The following SEMA6D variants were observed in gnomAD, a reference collection of about 807,000 sequenced individuals.
SEMA6D encodes semaphorin 6D.
Under a neutral mutation model 106.6 loss-of-function variants are expected in SEMA6D, and 35 were observed. The observed-to-expected ratio is 0.33, with a 90% CI of 0.25 to 0.44. The LOEUF (loss-of-function observed/expected upper bound fraction) is 0.44, where lower values mean the gene tolerates loss of function less well. Ranked by LOEUF, SEMA6D falls within the 20% of genes least tolerant of loss-of-function variation. The pLI, the probability that SEMA6D is intolerant of heterozygous loss-of-function variation, is 1.00. For missense variants in SEMA6D, 1,185 were observed against 1,345.9 expected (o/e 0.88, Z 1.87); for synonymous variants, 499 against 487.7 (o/e 1.02, Z -0.31).
At chr15:47,611,148 T>TACACACACACAC (rs71432248) in intron 4 of SEMA6D, among the ~76,000 whole-genome samples, 80 of 141,670 alleles carry the variant, frequency 5.6e-4, no homozygotes, top group African/African-American at 1.8e-3. Flanking sequence ...CCGTCCTACA[T>TACACACACACAC]ACACACACAC....
intron 1 of SEMA6D, among the ~76,000 whole-genome samples, chr15:47,720,782 G>C (rs2079378748): frequency 1.3e-5 from 2 of 152,194 alleles, no homozygotes; most frequent in African/African-American, 4.8e-5. Flanking sequence ...CTTAGTCATT[G>C]TTCTTGCATG....
chr15:47,191,745 G>T (rs1052641166), intron 1 of SEMA6D, among the ~76,000 whole-genome samples: 5 of 152,170 alleles, frequency 3.3e-5, no homozygotes, highest in Non-Finnish European at 7.3e-5. Flanking sequence ...ATAATGAAGG[G>T]TGTATGTCTC....
intron 1 of SEMA6D, among the ~76,000 whole-genome samples, chr15:47,378,272 G>A (rs1202789838): frequency 2.6e-5 from 4 of 152,154 alleles, no homozygotes; most frequent in African/African-American, 4.8e-5. Context: ...TGAGGCGGGC[G>A]ATCACCTGAG....
intron 2 of SEMA6D, among the ~76,000 whole-genome samples, chr15:47,456,885 CAG>C (rs1388681555): frequency 6.6e-6 from 1 of 151,932 alleles, no homozygotes; most frequent in African/African-American, 2.4e-5. Context: ...AAGAGCTGCA[CAG>C]AGAGAACGCT....
At position 47,766,803 on chromosome 15, in the gene SEMA6D, C is replaced by T. The variant is rs750050509; in HGVS notation, c.1708+126C>T. On this transcript the variant is annotated intron_variant, in intron 16 of 18. Transcript: ENST00000536845. The stretch of plus-strand genomic sequence containing the variant: ...ACCACCTAGCATTTAACTTAAACTT[C>T]GCAAAAGCTGAGCTGTTCGGTCATG... The T allele has an allele frequency of 2.8e-4, 197 of 703,978 alleles. 1 individual carries two copies. Among genetic ancestry groups the T allele is most frequent in the Middle Eastern group, 4.9e-4 (2 of 4,066 alleles). The allele number at this position is 703,978 out of a possible 1,614,324, so 43.6% of individuals were successfully genotyped here. A position where few individuals can be genotyped will look rare whatever the true frequency, so the allele number is the denominator to read the frequency against.
chr15:47,646,408 A>G (rs2077583633), intron 4 of SEMA6D, among the ~76,000 whole-genome samples: 1 of 152,310 alleles, frequency 6.6e-6, no homozygotes, highest in East Asian at 1.9e-4. Context: ...AACGGACTGA[A>G]CGCATTTAGA....
chr15:47,384,881 A>T (rs958499284), intron 1 of SEMA6D, among the ~76,000 whole-genome samples: 26 of 89,510 alleles, frequency 2.9e-4, no homozygotes, highest in African/African-American at 1.2e-3. Flanking sequence ...TAGTCCTGGC[A>T]GATCATTTGT....
rs58271041 is a variant in SEMA6D, at chr15:47,254,875, T to TTGTGTGTGTGTGTGTGTGTG, written c.-239+70479_-239+70498dup. On this transcript the variant is annotated intron_variant, in intron 1 of 19. Transcript: ENST00000558014. ...TCATCAGGGATATTGACCTGTGGTT[T>TTGTGTGTGTGTGTGTGTGTG]TGTGTGTGTGTGTGTGTGTGTGTGT... Among the ~76,000 whole-genome samples the TTGTGTGTGTGTGTGTGTGTG allele has an allele frequency of 4.8e-4, 64 of 134,398 alleles. 1 individual carries two copies. Among genetic ancestry groups the TTGTGTGTGTGTGTGTGTGTG allele is most frequent in the South Asian group, 1.0e-3 (4 of 3,922 alleles). The allele number at this position is 134,398 out of a possible 152,430, so 88.2% of individuals were successfully genotyped here.
At chr15:47,488,857 C>T (rs550359644) in intron 3 of SEMA6D, among the ~76,000 whole-genome samples, 22 of 152,126 alleles carry the variant, frequency 1.4e-4, no homozygotes, top group African/African-American at 4.6e-4. Context: ...AGGGTCCTGT[C>T]GATTGTTTAA....
At chr15:47,766,912 C>A in intron 16 of SEMA6D, 125 bp from the exon 17 acceptor site, 1 of 622,724 alleles carries the variant, frequency 1.6e-6, no homozygotes, top group Non-Finnish European at 2.7e-6. Context: ...GTAGTCTAAC[C>A]AGTAGGTTAA....
Position 47,560,886 on chromosome 15 carries a change from G to C in SEMA6D, c.-86-39979G>C, listed in dbSNP as rs190089195. Among the ~76,000 whole-genome samples the C allele has an allele frequency of 3.9e-5, 6 of 152,118 alleles. No homozygotes were observed. The East Asian group carries it at 1.2e-3, about 29-fold the overall frequency. ...CAAAGATTGCCTCGGTCTAACAGAA[G>C]CCAGGGAAGGGGCATGGAGCAGATT... On this transcript the variant is annotated intron_variant, in intron 3 of 19. Coordinates refer to the SEMA6D transcript ENST00000558014.
intron 4 of SEMA6D, among the ~76,000 whole-genome samples, chr15:47,632,558 A>T (rs1444812933): frequency 1.3e-5 from 2 of 151,996 alleles, no homozygotes; most frequent in African/African-American, 4.8e-5. Context: ...TGTGAATTCT[A>T]CTTTACCTAA....
chr15:47,643,540 G>A (rs1870642101), intron 4 of SEMA6D, among the ~76,000 whole-genome samples: 1 of 152,174 alleles, frequency 6.6e-6, no homozygotes, highest in Non-Finnish European at 1.5e-5. Flanking sequence ...ATTTGGTCTA[G>A]CATGGGGCCT....
chr15:47,370,711 T>A (rs1034761282), intron 1 of SEMA6D, among the ~76,000 whole-genome samples: 14 of 118,276 alleles, frequency 1.2e-4, no homozygotes, highest in South Asian at 2.5e-4. Flanking sequence ...AAAAAAAAAA[T>A]TTGATGGGTG....
intron 1 of SEMA6D, among the ~76,000 whole-genome samples, chr15:47,226,415 C>G (rs1595770194): frequency 6.6e-6 from 1 of 152,026 alleles, no homozygotes; most frequent in Non-Finnish European, 1.5e-5. Context: ...ATCTCCCCGT[C>G]TAAAACATAA....
At chr15:47,524,723 G>C (rs2044697379) in intron 3 of SEMA6D, among the ~76,000 whole-genome samples, 1 of 152,084 alleles carries the variant, frequency 6.6e-6, no homozygotes, top group African/African-American at 2.4e-5. Context: ...ATTATCCTTG[G>C]GGCAAATAAG....
chr15:47,318,617 A>C (rs992609583), intron 1 of SEMA6D, among the ~76,000 whole-genome samples: 6 of 142,478 alleles, frequency 4.2e-5, no homozygotes, highest in African/African-American at 1.3e-4. Context: ...TTATGGCTGC[A>C]TAGTATTCCA....
intron 4 of SEMA6D, among the ~76,000 whole-genome samples, chr15:47,645,995 T>C (rs2077575557): frequency 6.6e-6 from 1 of 152,208 alleles, no homozygotes; most frequent in Non-Finnish European, 1.5e-5. Context: ...AACTTCTGCA[T>C]GCTCAGCTAT....
At chr15:47,686,573 C>A (rs967781531) in intron 4 of SEMA6D, among the ~76,000 whole-genome samples, 1 of 152,182 alleles carries the variant, frequency 6.6e-6, no homozygotes, top group Admixed American at 6.5e-5. Flanking sequence ...TTTACTCTTA[C>A]CAAACTTGGT....
Sources: allele counts gnomAD v4.1 joint callset (sites outside exome capture counted in the v4.1 genomes callset), GRCh38; gene constraint gnomAD v4.1.1; transcripts MANE v1.5; gene names NCBI Gene and HGNC (gene_info 2026-07-23, HGNC 2026-07-21).